Variants in TAC4 observed in about 807,000 individuals in gnomAD.
TAC4 encodes tachykinin precursor 4.
Under a neutral mutation model 17.7 loss-of-function variants are expected in TAC4, and 17 were observed. The observed-to-expected ratio is 0.96, with a 90% confidence interval of 0.66 to 1.44. The LOEUF (loss-of-function observed/expected upper bound fraction) is 1.44. Among genes scored for constraint, TAC4 ranks in the 40% most tolerant of loss-of-function variants. TAC4 has a pLI of 0.00. For synonymous variants in TAC4, 62 were observed against 52.4 expected (o/e 1.18, Z -0.79); for missense variants, 118 against 125.6 (o/e 0.94, Z 0.29).
rs1308526837 is a variant in TAC4 at position 49,847,417 on chromosome 17, A to C, written c.105+496T>G. Reference sequence around the variant, plus strand: ...TCCTGTTTAAGTTGATCCCCTTGAAAGAAAATTCTGGAAAAGCTCCTCAGA... The same window carrying C: ...TCCTGTTTAAGTTGATCCCCTTGAACGAAAATTCTGGAAAAGCTCCTCAGA... On this transcript the variant is annotated intron_variant, in intron 1 of 4. Coordinates refer to ENST00000436235, the MANE Select transcript of TAC4 (RefSeq NM_001077506.2). 3 of 551,194 alleles carry C rather than the reference A, an allele frequency of 5.4e-6. No homozygotes were observed. In the Admixed American group the frequency reaches 1.1e-4, roughly 21 times the overall value. 34.1% of individuals were successfully genotyped at this position (551,194 alleles called of 1,614,324 possible).
chr17:49,838,578 A>G lies in TAC4; in HGVS notation c.*64T>C, dbSNP rs369023331. On this transcript the variant is annotated 3_prime_UTR_variant, in exon 5 of 5. Coordinates refer to ENST00000436235, the MANE Select transcript of TAC4 (RefSeq NM_001077506.2). ...AAGAGAGTTGGCCTGCCGGCTTGTCAGCTGTGACATCCAGGTAGGAAGAAG... is the reference window on the plus strand; with the variant it reads ...AAGAGAGTTGGCCTGCCGGCTTGTCGGCTGTGACATCCAGGTAGGAAGAAG... 27 of 1,605,388 alleles carry G rather than the reference A, an allele frequency of 1.7e-5. No individual in the cohort carries two copies. The African/African-American group carries it at 3.1e-4, about 18-fold the overall frequency.
intron 2 of TAC4, 138 bp downstream of exon 2, chr17:49,843,926 A>AC: frequency 1.4e-6 from 1 of 732,122 alleles, no homozygotes; most frequent in Non-Finnish European, 2.5e-6. Flanking sequence ...AGTCTGTGCC[A>AC]CCCCATCTCA....
chr17:49,846,216 T>C lies in TAC4; in HGVS notation c.105+1697A>G, dbSNP rs1038072824. 9.3e-6 allele frequency: 12 copies of C among 1,288,860 alleles called. No individual in the cohort carries two copies. In the Admixed American group the frequency reaches 1.1e-4, roughly 12 times the overall value. The allele number at this position is 1,288,860 out of a possible 1,614,324, so 79.8% of individuals were successfully genotyped here. A position where few individuals can be genotyped will look rare whatever the true frequency, so the allele number is the denominator to read the frequency against. On this transcript the variant is annotated intron_variant, in intron 1 of 4. Coordinates refer to ENST00000436235, the MANE Select transcript of TAC4 (RefSeq NM_001077506.2). ...CCCCAACTCCAGGGATGACTACAGGTTGGGGGAGCCCCGAGAGCAAGGGAG... is the reference window on the plus strand; with the variant it reads ...CCCCAACTCCAGGGATGACTACAGGCTGGGGGAGCCCCGAGAGCAAGGGAG...
Sources: allele counts gnomAD v4.1 joint callset, GRCh38; gene constraint gnomAD v4.1.1; transcripts MANE v1.5; gene names NCBI Gene and HGNC (gene_info 2026-07-23, HGNC 2026-07-21).